Variants in SLC71A1 observed in about 807,000 individuals in gnomAD.
SLC71A1 encodes solute carrier family 71 member 1, also known as hippocampus abundant gene transcript 1.
chr1:100,038,138 G>C, the SLC71A1 span: 4 of 1,119,976 alleles, frequency 3.6e-6, no homozygotes, highest in East Asian at 5.2e-5. Flanking sequence ...CGCCCAGAGC[G>C]GCTCGGCCCG....
chr1:100,080,801 GTTC>G, the SLC71A1 span: 10 of 711,226 alleles, frequency 1.4e-5, no homozygotes, highest in South Asian at 2.6e-5. Flanking sequence ...AAGGGACTGT[GTTC>G]TTCTACATAC....
At chr1:100,074,472 G>A in the SLC71A1 span, among the ~76,000 whole-genome samples, 2 of 151,954 alleles carry the variant, frequency 1.3e-5, no homozygotes, top group East Asian at 1.9e-4. Flanking sequence ...CCAGCTACTC[G>A]GGAGGCTGAG....
At chr1:100,038,107 G>T in the SLC71A1 span, 1 of 790,264 alleles carries the variant, frequency 1.3e-6, no homozygotes, top group South Asian at 1.6e-5. Flanking sequence ...AGGCAGGCCG[G>T]GCCCTCAAGA....
At chr1:100,077,702 A>G in the SLC71A1 span, among the ~76,000 whole-genome samples, 2 of 152,222 alleles carry the variant, frequency 1.3e-5, no homozygotes, top group Admixed American at 1.3e-4. Context: ...CAATCCAGTT[A>G]TTTTGGTGCC....
At chr1:100,042,081 C>G in the SLC71A1 span, among the ~76,000 whole-genome samples, 1 of 152,208 alleles carries the variant, frequency 6.6e-6, no homozygotes, top group East Asian at 1.9e-4. Flanking sequence ...TTAAGCATTC[C>G]TGTTAGAGGC....
At chr1:100,046,212 GTTTT>G in the SLC71A1 span, among the ~76,000 whole-genome samples, 1,995 of 54,102 alleles carry the variant, frequency 0.037, 54 homozygotes, top group Admixed American at 0.049. Flanking sequence ...TCCAAGCCTC[GTTTT>G]TTTTTTTTTT....
the SLC71A1 span, among the ~76,000 whole-genome samples, chr1:100,065,446 T>C: frequency 1.3e-5 from 2 of 151,572 alleles, no homozygotes; most frequent in South Asian, 4.2e-4. Context: ...CCTTTTCCTT[T>C]CCTTCCCTTC....
At chr1:100,048,480 T>G in the SLC71A1 span, among the ~76,000 whole-genome samples, 1 of 152,134 alleles carries the variant, frequency 6.6e-6, no homozygotes, top group Non-Finnish European at 1.5e-5. Flanking sequence ...ATGCCTGGCC[T>G]CCTGTGGTCT....
the SLC71A1 span, chr1:100,077,227 A>C: frequency 3.1e-6 from 5 of 1,595,828 alleles, no homozygotes; most frequent in Non-Finnish European, 4.3e-6. Flanking sequence ...TACTGGGTCT[A>C]GGATTTCAAA....
chr1:100,076,583 C>T, the SLC71A1 span, among the ~76,000 whole-genome samples: 1 of 152,110 alleles, frequency 6.6e-6, no homozygotes, highest in African/African-American at 2.4e-5. Context: ...AAGTGAGGCT[C>T]AAAGTGAAGT....
the SLC71A1 span, among the ~76,000 whole-genome samples, chr1:100,055,197 G>A: frequency 6.6e-6 from 1 of 152,144 alleles, no homozygotes; most frequent in Non-Finnish European, 1.5e-5. Flanking sequence ...GATTTGGCTT[G>A]CAGTAGGCCC....
the SLC71A1 span, among the ~76,000 whole-genome samples, chr1:100,071,481 T>G: frequency 1.3e-5 from 2 of 151,622 alleles, no homozygotes; most frequent in Middle Eastern, 3.2e-3. Flanking sequence ...AAAAAAAAAG[T>G]GTAAGGAAAA....
At chr1:100,058,262 T>C in the SLC71A1 span, among the ~76,000 whole-genome samples, 1 of 152,244 alleles carries the variant, frequency 6.6e-6, no homozygotes, top group Admixed American at 6.5e-5. Context: ...TATATCCATC[T>C]GAAAGAGAAT....
At chr1:100,051,457 G>T in the SLC71A1 span, among the ~76,000 whole-genome samples, 2 of 150,514 alleles carry the variant, frequency 1.3e-5, no homozygotes, top group African/African-American at 4.9e-5. Context: ...AATATCAGAG[G>T]GTTTTTTTTT....
chr1:100,057,438 T>A, the SLC71A1 span, among the ~76,000 whole-genome samples: 1 of 150,808 alleles, frequency 6.6e-6, no homozygotes, highest in Non-Finnish European at 1.5e-5. Flanking sequence ...CACTGCAACC[T>A]CTGCCCTCCG....
chr1:100,045,225 G>A, the SLC71A1 span, among the ~76,000 whole-genome samples: 1 of 152,080 alleles, frequency 6.6e-6, no homozygotes, highest in Admixed American at 6.5e-5. Flanking sequence ...CCTTGGTTAA[G>A]TGTATTCCTA....
chr1:100,050,168 C>T, the SLC71A1 span, among the ~76,000 whole-genome samples: 9 of 152,210 alleles, frequency 5.9e-5, no homozygotes, highest in African/African-American at 2.2e-4. Context: ...GTTAACTCTC[C>T]CTTACCTTTT....
At chr1:100,043,827 A>T in the SLC71A1 span, among the ~76,000 whole-genome samples, 2 of 152,244 alleles carry the variant, frequency 1.3e-5, no homozygotes, top group Non-Finnish European at 2.9e-5. Flanking sequence ...CCATTCCTGA[A>T]TTACTCACTT....
At chr1:100,058,449 T>A in the SLC71A1 span, among the ~76,000 whole-genome samples, 2 of 152,176 alleles carry the variant, frequency 1.3e-5, no homozygotes, top group African/African-American at 4.8e-5. Context: ...AGGGATTAAA[T>A]GAGATAATAT....
Sources: gnomAD v4.1 joint callset for allele counts (sites outside exome capture counted in the v4.1 genomes callset) on GRCh38, gnomAD v4.1.1 for gene constraint, MANE v1.5 for transcripts, NCBI Gene and HGNC (gene_info 2026-07-23, HGNC 2026-07-21) for gene names.